AGBL1: variants seen among roughly 807,000 people sequenced by gnomAD.
AGBL1 encodes the protein cytosolic carboxypeptidase 4.
Under a neutral mutation model 118.9 loss-of-function variants are expected in AGBL1, and 130 were observed. The ratio of observed to expected loss-of-function variants is 1.09; its 90% confidence interval spans 0.95 to 1.26. The LOEUF is 1.26. Among genes scored for constraint, AGBL1 ranks in the 50% most tolerant of loss-of-function variants. The pLI is 0.00. For synonymous variants in AGBL1, 555 were observed against 478.9 expected (o/e 1.16, Z -2.08); for missense variants, 1,584 against 1,298.1 (o/e 1.22, Z -3.38).
intron 22 of AGBL1, among the ~76,000 whole-genome samples, chr15:86,701,911 C>T (rs902250493): frequency 1.4e-5 from 2 of 146,826 alleles, no homozygotes; most frequent in Admixed American, 1.4e-4. Context: ...ACTTTCCTCC[C>T]ATCCACTACC....
At chr15:86,764,992 A>G (rs185683180) in intron 22 of AGBL1, among the ~76,000 whole-genome samples, 4 of 152,120 alleles carry the variant, frequency 2.6e-5, no homozygotes, top group African/African-American at 9.6e-5. Context: ...AGGTGGATAG[A>G]TAGGCAGAGT....
intron 22 of AGBL1, 52 bp from the exon 23 acceptor site, chr15:86,907,035 C>T (rs907834587): frequency 6.6e-6 from 1 of 152,252 alleles, no homozygotes; most frequent in African/African-American, 2.4e-5. Flanking sequence ...TTTTCCCTGT[C>T]TACCTTCCTC....
chr15:86,699,923 T>A (rs2086327475), intron 22 of AGBL1, among the ~76,000 whole-genome samples: 1 of 152,084 alleles, frequency 6.6e-6, no homozygotes, highest in Non-Finnish European at 1.5e-5. Context: ...CTGATGATTC[T>A]TTTTCGTCTG....
At chr15:86,082,205 C>G (rs556580913) in intron 1 of AGBL1, among the ~76,000 whole-genome samples, 59 of 152,310 alleles carry the variant, frequency 3.9e-4, no homozygotes, top group Non-Finnish European at 6.3e-4. Flanking sequence ...GTGGAATAAT[C>G]TTTCATGATG....
intron 18 of AGBL1, among the ~76,000 whole-genome samples, chr15:86,465,496 C>A (rs1567007060): frequency 6.6e-6 from 1 of 152,188 alleles, no homozygotes; most frequent in Non-Finnish European, 1.5e-5. Context: ...CCGGGAAGAA[C>A]AGAGTCATAT....
intron 18 of AGBL1, among the ~76,000 whole-genome samples, chr15:86,447,696 T>C (rs1316094706): frequency 2.0e-5 from 3 of 152,182 alleles, no homozygotes; most frequent in Admixed American, 1.3e-4. Context: ...CACTAGATTC[T>C]AATAATACTT....
Position 86,554,499 on chromosome 15 carries a change from G to T in AGBL1, c.2956G>T (p.Glu986Ter), listed in dbSNP as rs1413271104. The T allele has an allele frequency of 6.4e-7, 1 of 1,570,382 alleles. No homozygotes were observed. Among genetic ancestry groups the T allele is most frequent in the Non-Finnish European group, 8.6e-7 (1 of 1,160,120 alleles). Residue 986 changes from glutamate (E) to a stop codon, truncating the protein, a stop_gained, in exon 21 of 23, where the codon GAA becomes TAA. Transcript: ENST00000614907. LOFTEE classifies it high-confidence loss of function. ...EMGVSRSYTM[E>*]SSYCGCNQGP... is the part of the protein sequence containing the mutation. ...GGGGGTGTCCAGAAGCTACACCATGGAAAGCAGCTACTGTGGCTGCAACCA... is the reference window on the plus strand; with the variant it reads ...GGGGGTGTCCAGAAGCTACACCATGTAAAGCAGCTACTGTGGCTGCAACCA...
chr15:86,420,311 C>T (rs11073633), intron 18 of AGBL1, among the ~76,000 whole-genome samples: 73,391 of 151,838 alleles, frequency 0.48, 18,526 homozygotes, highest in East Asian at 0.8. Context: ...CTGCTGGTGA[C>T]ACCTAGGCAA....
chr15:86,881,635 C>CTATT (rs1224852321), intron 22 of AGBL1, among the ~76,000 whole-genome samples: 1 of 152,052 alleles, frequency 6.6e-6, no homozygotes, highest in Non-Finnish European at 1.5e-5. Flanking sequence ...GGGGGTAGTG[C>CTATT]TATTTATTTA....
intron 17 of AGBL1, among the ~76,000 whole-genome samples, chr15:86,396,109 G>A (rs892557048): frequency 6.8e-6 from 1 of 147,426 alleles, no homozygotes; most frequent in African/African-American, 2.5e-5. Flanking sequence ...GTATCTATGT[G>A]TGTGTGTATA....
intron 17 of AGBL1, among the ~76,000 whole-genome samples, chr15:86,396,798 G>A (rs74027545): frequency 0.015 from 2,228 of 152,242 alleles, 51 homozygotes; most frequent in African/African-American, 0.052. Flanking sequence ...ATAGGAGATA[G>A]TGTGAAAGAA....
rs2080312566 is a variant in AGBL1, at chr15:86,908,720, T to A, written c.*1426T>A. ...GCTTAGTTATTTGAATAATGAAGTG[T>A]ACGAGACCTGCGAAGAAAGGATGAG... On this transcript the variant is annotated 3_prime_UTR_variant, in exon 23 of 23. Coordinates refer to ENST00000614907, the MANE Select transcript of AGBL1 (RefSeq NM_001386094.1). The A allele has an allele frequency of 6.6e-6, 1 of 152,150 alleles. No homozygotes were observed. The highest frequency in any genetic ancestry group is 1.5e-5 in the Non-Finnish European group (1 of 68,066). 9.4% of individuals were successfully genotyped at this position (152,150 alleles called of 1,614,324 possible).
intron 18 of AGBL1, among the ~76,000 whole-genome samples, chr15:86,427,014 C>T (rs2081875730): frequency 6.6e-6 from 1 of 152,152 alleles, no homozygotes; most frequent in Non-Finnish European, 1.5e-5. Flanking sequence ...GATCCGCCTG[C>T]CTCGGCCTCC....
intron 22 of AGBL1, among the ~76,000 whole-genome samples, chr15:86,712,216 G>C (rs1267600319): frequency 1.3e-5 from 2 of 152,068 alleles, no homozygotes; most frequent in Non-Finnish European, 2.9e-5. Context: ...GTTTATCATG[G>C]ATTTAGGGTA....
At chr15:86,876,804 G>A (rs1280293098) in intron 22 of AGBL1, among the ~76,000 whole-genome samples, 3 of 152,106 alleles carry the variant, frequency 2.0e-5, no homozygotes, top group African/African-American at 7.2e-5. Context: ...AATGTAGTTG[G>A]CTGAGCACGT....
intron 17 of AGBL1, among the ~76,000 whole-genome samples, chr15:86,358,742 T>C (rs981416520): frequency 2.6e-5 from 4 of 152,054 alleles, no homozygotes; most frequent in South Asian, 2.1e-4. Flanking sequence ...TATCTCATTG[T>C]GGTTTTAATT....
intron 16 of AGBL1, among the ~76,000 whole-genome samples, chr15:86,283,992 A>T (rs2141732174): frequency 6.6e-6 from 1 of 152,204 alleles, no homozygotes; most frequent in South Asian, 2.1e-4. Flanking sequence ...ATTGGAAACA[A>T]AAAAGCAGTG....
At chr15:86,621,723 G>C (rs992157546) in intron 21 of AGBL1, among the ~76,000 whole-genome samples, 9 of 152,162 alleles carry the variant, frequency 5.9e-5, no homozygotes, top group Non-Finnish European at 1.5e-5. Context: ...TATTCAATGC[G>C]ATATAGCCTT....
intron 23 of AGBL1, among the ~76,000 whole-genome samples, chr15:86,981,866 C>T (rs1221641451): frequency 6.6e-6 from 1 of 152,136 alleles, no homozygotes; most frequent in Non-Finnish European, 1.5e-5. Flanking sequence ...GCACAAGAGG[C>T]ACAGAGAGTA....
Sources: allele counts gnomAD v4.1 joint callset (sites outside exome capture counted in the v4.1 genomes callset), GRCh38; gene constraint gnomAD v4.1.1; transcripts MANE v1.5; gene names NCBI Gene and HGNC (gene_info 2026-07-23, HGNC 2026-07-21).